The following HSDL1 variants were observed in gnomAD, a reference collection of about 807,000 sequenced individuals.
The protein encoded by HSDL1 is inactive hydroxysteroid dehydrogenase-like protein 1.
Under a neutral mutation model 31.5 loss-of-function variants are expected in HSDL1, and 29 were observed. That is an observed-to-expected ratio of 0.92 (90% CI 0.69 to 1.26). HSDL1 has a LOEUF of 1.26. HSDL1 is among the 50% of genes most tolerant of loss of function. The pLI is 0.00. For missense variants in HSDL1, 503 were observed against 416.6 expected, an observed-to-expected ratio of 1.21 and a Z score of -1.81; for synonymous variants, 222 against 155.2, an observed-to-expected ratio of 1.43 and a Z score of -3.20.
chr16:84,132,574 T>A (rs955991519), intron 2 of HSDL1, among the ~76,000 whole-genome samples: 1 of 152,230 alleles, frequency 6.6e-6, no homozygotes, highest in South Asian at 2.1e-4. Context: ...GCACCTACTA[T>A]GTTCTATGTA....
rs553224060 is a variant in HSDL1 at position 84,141,090 on chromosome 16, C to CAAAAAAAAAAAAAAAAAAA, written c.-69+3989_-69+3990insTTTTTTTTTTTTTTTTTTT. 2.0e-4 allele frequency among the ~76,000 whole-genome samples: 27 copies of CAAAAAAAAAAAAAAAAAAA among 136,066 alleles called. 1 individual carries two copies. The highest frequency in any genetic ancestry group is 8.0e-4 in the African/African-American group (22 of 27,436). 89.3% of individuals were successfully genotyped at this position (136,066 alleles called of 152,430 possible). ...TGGGCGACAGAACGAGACTCCGTCT[C>CAAAAAAAAAAAAAAAAAAA]AAACAAAAAAAAAAACAGTATTGCT... is the stretch of plus-strand genomic sequence containing the variant. On this transcript the variant is annotated intron_variant, in intron 1 of 5. Transcript: ENST00000219439.
chr16:84,125,943 A>T (rs894807569), intron 5 of HSDL1, among the ~76,000 whole-genome samples: 1 of 152,218 alleles, frequency 6.6e-6, no homozygotes, highest in East Asian at 1.9e-4. Flanking sequence ...CTCTACTAAA[A>T]ATACAAAAAA....
In HSDL1 at chr16:84,134,932, A is replaced by T. The variant is rs138068749; in HGVS notation, c.-7+612T>A. Among the ~76,000 whole-genome samples, 25 of 152,306 alleles carry T rather than the reference A, an allele frequency of 1.6e-4. 1 individual carries two copies. The East Asian group carries it at 4.8e-3, about 29-fold the overall frequency. ...CTAGGCTGTTAAAACAGTGTTTTCA[A>T]TGAAAAAATAGATACTACAGGCCAG... On this transcript the variant is annotated intron_variant, in intron 2 of 5. Coordinates refer to ENST00000219439, the MANE Select transcript of HSDL1 (RefSeq NM_031463.5).
rs1430910197 is a variant in HSDL1, at chr16:84,124,618, G to A, written c.*12C>T. 5 of 1,577,462 alleles carry A rather than the reference G, an allele frequency of 3.2e-6. No homozygotes were observed. The highest frequency in any genetic ancestry group is 8.7e-7 in the Non-Finnish European group (1 of 1,146,816). ...CAGGAGTTGGCAAAACTTCTCAAGTGGCCATCCAGACTCAGGCTGTGCAGG... is the reference window on the plus strand; with the variant it reads ...CAGGAGTTGGCAAAACTTCTCAAGTAGCCATCCAGACTCAGGCTGTGCAGG... On this transcript the variant is annotated 3_prime_UTR_variant, in exon 6 of 6. Coordinates refer to ENST00000219439, the MANE Select transcript of HSDL1 (RefSeq NM_031463.5).
At chr16:84,142,302 CCTT>C (rs1229287041) in intron 1 of HSDL1, among the ~76,000 whole-genome samples, 6 of 152,226 alleles carry the variant, frequency 3.9e-5, no homozygotes, top group African/African-American at 1.4e-4. Flanking sequence ...AGAAATCCCT[CCTT>C]AGCCTCAGGT....
chr16:84,123,406 A>G lies in HSDL1; in HGVS notation c.*1224T>C, dbSNP rs1441426332. ...TCATATAGTGACTTAGAGTTTTCAA[A>G]GCACTAGGTACATGGTCCTCAAAAA... On this transcript the variant is annotated 3_prime_UTR_variant, in exon 6 of 6. Coordinates refer to ENST00000219439, the MANE Select transcript of HSDL1 (RefSeq NM_031463.5). The G allele has an allele frequency of 1.3e-5, 2 of 152,240 alleles. No homozygotes were observed. Among genetic ancestry groups the G allele is most frequent in the East Asian group, 3.8e-4 (2 of 5,202 alleles). The allele number at this position is 152,240 out of a possible 1,614,324, so 9.4% of individuals were successfully genotyped here.
intron 3 of HSDL1, among the ~76,000 whole-genome samples, chr16:84,130,724 T>A (rs1420519001): frequency 6.6e-6 from 1 of 152,120 alleles, no homozygotes; most frequent in Non-Finnish European, 1.5e-5. Flanking sequence ...CTTGAATGAG[T>A]GGCAGGAGGT....
At chr16:84,142,298 C>T (rs2086775745) in intron 1 of HSDL1, among the ~76,000 whole-genome samples, 1 of 152,110 alleles carries the variant, frequency 6.6e-6, no homozygotes, top group South Asian at 2.1e-4. Flanking sequence ...TTTCAGAAAT[C>T]CCTCCTTAGC....
At chr16:84,142,768 T>C (rs897669735) in intron 1 of HSDL1, among the ~76,000 whole-genome samples, 10 of 152,200 alleles carry the variant, frequency 6.6e-5, no homozygotes, top group Non-Finnish European at 1.5e-4. Flanking sequence ...GCACCTGACA[T>C]GCTGCTGTAG....
At chr16:84,142,335 A>G (rs1567525657) in intron 1 of HSDL1, among the ~76,000 whole-genome samples, 1 of 151,314 alleles carries the variant, frequency 6.6e-6, no homozygotes, top group Non-Finnish European at 1.5e-5. Flanking sequence ...ATTTTTTCGA[A>G]TTATTTTCTA....
At chr16:84,127,860 A>G (rs1241592080) in intron 5 of HSDL1, among the ~76,000 whole-genome samples, 1 of 149,936 alleles carries the variant, frequency 6.7e-6, no homozygotes, top group Non-Finnish European at 1.5e-5. Flanking sequence ...CTGGGACTAC[A>G]GGCGCCCACC....
chr16:84,134,685 G>T (rs912712791), intron 2 of HSDL1, among the ~76,000 whole-genome samples: 4 of 151,922 alleles, frequency 2.6e-5, no homozygotes, highest in Admixed American at 6.6e-5. Flanking sequence ...TGTGAGTTCC[G>T]GAAATAACTC....
intron 5 of HSDL1, chr16:84,125,113 CAACA>C (rs2086593065): frequency 1.1e-5 from 2 of 176,178 alleles, no homozygotes; most frequent in Non-Finnish European, 2.4e-5. Context: ...CCACCAATCA[CAACA>C]AATACCCACC....
intron 1 of HSDL1, among the ~76,000 whole-genome samples, chr16:84,138,017 A>G (rs1028361404): frequency 1.3e-5 from 2 of 152,206 alleles, no homozygotes; most frequent in African/African-American, 4.8e-5. Context: ...GTGATGGTTT[A>G]GAAGGGAGGG....
At chr16:84,142,153 C>G (rs180763019) in intron 1 of HSDL1, among the ~76,000 whole-genome samples, 34 of 152,234 alleles carry the variant, frequency 2.2e-4, no homozygotes, top group Middle Eastern at 3.4e-3. Flanking sequence ...GTCTCAAACT[C>G]GTAAGCTCAA....
At chr16:84,140,854 A>T (rs1033795315) in intron 1 of HSDL1, among the ~76,000 whole-genome samples, 1 of 152,236 alleles carries the variant, frequency 6.6e-6, no homozygotes. Context: ...CTGTAATCCC[A>T]GCACTTTGGG....
intron 1 of HSDL1, among the ~76,000 whole-genome samples, chr16:84,141,182 T>C (rs942150278): frequency 6.6e-6 from 1 of 152,098 alleles, no homozygotes; most frequent in Admixed American, 6.5e-5. Context: ...GTGACTTGTT[T>C]CTTTCACTCA....
chr16:84,130,568 C>G, intron 3 of HSDL1, 137 bp from the exon 4 acceptor site: 1 of 678,024 alleles, frequency 1.5e-6, no homozygotes, highest in Non-Finnish European at 2.5e-6. Context: ...ATCTACAAGT[C>G]AAGGACACTG....
chr16:84,124,962 T>C (rs1221141650), intron 5 of HSDL1: 2 of 313,676 alleles, frequency 6.4e-6, no homozygotes, highest in Non-Finnish European at 1.2e-5. Flanking sequence ...TCATAACAAA[T>C]ACCCACCAAT....
Sources: gnomAD v4.1 joint callset for allele counts (sites outside exome capture counted in the v4.1 genomes callset) on GRCh38, gnomAD v4.1.1 for gene constraint, MANE v1.5 for transcripts, NCBI Gene and HGNC (gene_info 2026-07-23, HGNC 2026-07-21) for gene names.